The following FGF12 variants were observed in gnomAD, a reference collection of about 807,000 sequenced individuals.
FGF12 encodes the protein fibroblast growth factor 12B.
In FGF12, 14 loss-of-function variants were observed where a neutral mutation model predicts 23.6. The observed-to-expected ratio is 0.59, with a 90% CI of 0.39 to 0.93. The LOEUF (loss-of-function observed/expected upper bound fraction) is 0.93. Ranked by LOEUF, FGF12 falls within the 40% of genes least tolerant of loss-of-function variation. FGF12 has a pLI of 0.00. For missense variants in FGF12, 175 were observed against 217.8 expected (o/e 0.80, Z 1.24); for synonymous variants, 62 against 77.3 (o/e 0.80, Z 1.04).
chr3:192,612,789 C>T (rs1293520832), intron 2 of FGF12, among the ~76,000 whole-genome samples: 1 of 151,918 alleles, frequency 6.6e-6, no homozygotes, highest in African/African-American at 2.4e-5. Context: ...AAGCCAATAA[C>T]TTGTGGTGTT....
At chr3:192,446,354 C>T (rs1016504981) in intron 2 of FGF12, among the ~76,000 whole-genome samples, 5 of 152,186 alleles carry the variant, frequency 3.3e-5, no homozygotes, top group Non-Finnish European at 4.4e-5. Context: ...ACTGTTGGAA[C>T]ATAACAATAG....
intron 2 of FGF12, among the ~76,000 whole-genome samples, chr3:192,443,270 C>G (rs992423918): frequency 6.6e-6 from 1 of 152,120 alleles, no homozygotes; most frequent in Admixed American, 6.5e-5. Flanking sequence ...TCAGAGATAA[C>G]CTTAAGTGAG....
At chr3:192,257,684 T>C (rs1373926045) in intron 4 of FGF12, among the ~76,000 whole-genome samples, 2 of 151,756 alleles carry the variant, frequency 1.3e-5, no homozygotes, top group Non-Finnish European at 2.9e-5. Flanking sequence ...CTAGGGAGGG[T>C]TTTTTGTTTG....
At chr3:192,230,172 G>T (rs1718949911) in intron 4 of FGF12, among the ~76,000 whole-genome samples, 1 of 152,022 alleles carries the variant, frequency 6.6e-6, no homozygotes, top group Non-Finnish European at 1.5e-5. Context: ...ATGTAAGTTG[G>T]ATGGAAAGCA....
chr3:192,361,604 C>T (rs1386583476), intron 2 of FGF12, among the ~76,000 whole-genome samples: 2 of 152,174 alleles, frequency 1.3e-5, no homozygotes, highest in Non-Finnish European at 2.9e-5. Context: ...TCCATTTATT[C>T]AACTAATGTT....
At chr3:192,558,490 A>G (rs1349224953) in intron 2 of FGF12, among the ~76,000 whole-genome samples, 1 of 151,960 alleles carries the variant, frequency 6.6e-6, no homozygotes, top group Non-Finnish European at 1.5e-5. Flanking sequence ...TAATATTGCT[A>G]AAATGTCGAG....
intron 4 of FGF12, among the ~76,000 whole-genome samples, chr3:192,239,790 G>A (rs938987071): frequency 1.3e-5 from 2 of 152,188 alleles, no homozygotes; most frequent in African/African-American, 2.4e-5. Context: ...GAAAAATTGC[G>A]TTCCAAGAAA....
At chr3:192,476,844 G>A (rs1723340478) in intron 2 of FGF12, among the ~76,000 whole-genome samples, 1 of 152,192 alleles carries the variant, frequency 6.6e-6, no homozygotes, top group African/African-American at 2.4e-5. Context: ...GCCATTGAAT[G>A]GCTCCTAAGA....
chr3:192,576,714 C>T (rs1712905571), intron 2 of FGF12, among the ~76,000 whole-genome samples: 1 of 152,124 alleles, frequency 6.6e-6, no homozygotes, highest in South Asian at 2.1e-4. Context: ...ACAGTTTAGT[C>T]CCAAATCTGC....
intron 2 of FGF12, among the ~76,000 whole-genome samples, chr3:192,718,902 A>C (rs531340249): frequency 3.8e-4 from 58 of 152,278 alleles, no homozygotes; most frequent in African/African-American, 1.3e-3. Flanking sequence ...TTAAGCCTAA[A>C]GAGGATCAAG....
intron 2 of FGF12, among the ~76,000 whole-genome samples, chr3:192,589,348 G>C (rs1047218534): frequency 1.6e-4 from 23 of 143,758 alleles, no homozygotes; most frequent in African/African-American, 5.4e-4. Context: ...AAAAAAAAAA[G>C]TCCTAAAATT....
At chr3:192,700,584 A>G (rs1242198565) in intron 2 of FGF12, among the ~76,000 whole-genome samples, 2 of 152,232 alleles carry the variant, frequency 1.3e-5, no homozygotes, top group African/African-American at 4.8e-5. Context: ...AAGGCATTTG[A>G]GGCCACAAAA....
intron 2 of FGF12, among the ~76,000 whole-genome samples, chr3:192,590,223 T>C (rs1172281078): frequency 6.6e-6 from 1 of 151,890 alleles, no homozygotes; most frequent in Non-Finnish European, 1.5e-5. Context: ...CTAGAACCAG[T>C]ATATGTATGG....
chr3:192,590,753 T>A (rs1713580750), intron 2 of FGF12, among the ~76,000 whole-genome samples: 1 of 151,872 alleles, frequency 6.6e-6, no homozygotes, highest in African/African-American at 2.4e-5. Flanking sequence ...TTTCTTGAAT[T>A]ATGGATTTTG....
chr3:192,684,422 T>C (rs1377803880), intron 2 of FGF12, among the ~76,000 whole-genome samples: 2 of 152,146 alleles, frequency 1.3e-5, no homozygotes, highest in African/African-American at 4.8e-5. Context: ...TGATCAGGGT[T>C]TGTTTTTTTT....
At chr3:192,540,136 T>A (rs1160338868) in intron 2 of FGF12, among the ~76,000 whole-genome samples, 7 of 152,048 alleles carry the variant, frequency 4.6e-5, no homozygotes, top group African/African-American at 1.7e-4. Flanking sequence ...TAATTTCACA[T>A]TCACTTATTT....
intron 4 of FGF12, among the ~76,000 whole-genome samples, chr3:192,186,118 TC>T (rs1716453073): frequency 6.6e-6 from 1 of 152,222 alleles, no homozygotes; most frequent in Non-Finnish European, 1.5e-5. Flanking sequence ...TATTTTTTTT[TC>T]TTGAACTGAG....
intron 5 of FGF12, among the ~76,000 whole-genome samples, chr3:192,158,238 C>G (rs563538059): frequency 1.4e-4 from 21 of 152,274 alleles, no homozygotes; most frequent in African/African-American, 4.3e-4. Context: ...ACACCTTCCC[C>G]TTGTACCTCA....
chr3:192,681,664 T>C (rs1375044594), intron 2 of FGF12, among the ~76,000 whole-genome samples: 1 of 152,230 alleles, frequency 6.6e-6, no homozygotes, highest in Admixed American at 6.5e-5. Flanking sequence ...TAAAGTTTTC[T>C]ATTTTTTCCT....
Sources: allele counts gnomAD v4.1 joint callset (sites outside exome capture counted in the v4.1 genomes callset), GRCh38; gene constraint gnomAD v4.1.1; transcripts MANE v1.5; gene names NCBI Gene and HGNC (gene_info 2026-07-23, HGNC 2026-07-21).